Variants in TTN observed in about 807,000 individuals in gnomAD.
TTN encodes the protein titin.
TTN carries 1,525 observed loss-of-function variants against 3,223.0 expected under a neutral mutation model. That is an observed-to-expected ratio of 0.47 (90% CI 0.45 to 0.49). TTN has a LOEUF of 0.49. Ranked by LOEUF, TTN falls within the 20% of genes least tolerant of loss-of-function variation. The probability of loss-of-function intolerance (pLI) is 0.00; values close to 1 mark genes in which losing one functional copy is unlikely to be tolerated. For synonymous variants in TTN, 14,094 were observed against 15,161.0 expected (o/e 0.93, Z 5.17); for missense variants, 40,786 against 43,424.0 (o/e 0.94, Z 5.40).
At position 178,548,484 on chromosome 2, in the gene TTN, T is replaced by C; in HGVS notation, c.93142A>G (p.Ile31048Val). Reference sequence around the variant, plus strand: ...CGTTTCTCTACCACATAATGATGGATTCGGGCACCACCGTCAAGAAGAGGG... The same window carrying C: ...CGTTTCTCTACCACATAATGATGGACTCGGGCACCACCGTCAAGAAGAGGG... ...DAPLLDGGAR[I>V]HHYVVEKREA... The change falls in exon 339 of 363, where the codon ATC becomes GTC. Residue 31048 changes from isoleucine to valine, a missense_variant. Coordinates refer to ENST00000589042, the MANE Select transcript of TTN (RefSeq NM_001267550.2). The surrounding 1 kb of genome is among the most constrained non-coding windows in gnomAD (Gnocchi z 4.3). 6.2e-7 allele frequency: 1 copy of C among 1,613,884 alleles called. No homozygotes were observed. The highest frequency in any genetic ancestry group is 8.5e-7 in the Non-Finnish European group (1 of 1,179,804).
intron 65 of TTN, 29 bp from the exon 66 acceptor site, chr2:178,728,807 TTACATTGG>T: frequency 1.3e-6 from 2 of 1,584,300 alleles, no homozygotes; most frequent in Non-Finnish European, 1.7e-6. Flanking sequence ...TGTGGATGAG[TTACATTGG>T]TAACTCCACT....
intron 309 of TTN, 46 bp from the exon 310 acceptor site, chr2:178,585,014 C>T (rs371666014): frequency 2.7e-5 from 44 of 1,604,746 alleles, no homozygotes; most frequent in Non-Finnish European, 3.3e-5. Context: ...GGATTTGATA[C>T]GTAAAAATAT....
chr2:178,631,391 CTGAG>C, intron 236 of TTN, 91 bp from the exon 237 acceptor site: 1 of 1,348,260 alleles, frequency 7.4e-7, no homozygotes, highest in Non-Finnish European at 9.9e-7. Flanking sequence ...TCACAGAGTT[CTGAG>C]TATCTTTTAA....
At chr2:178,654,160 G>A (rs1255056259) in intron 193 of TTN, 48 bp downstream of exon 193, 1 of 1,588,638 alleles carries the variant, frequency 6.3e-7, no homozygotes, top group Admixed American at 1.8e-5. Context: ...GTGATTGTGA[G>A]GGGTACAGAC....
In TTN at chr2:178,757,692, C is replaced by A. The variant is rs770135769; in HGVS notation, c.10528G>T (p.Asp3510Tyr). ...HNQQLILPTK[D>Y]VVFHFEESTG... ...GACTCCTCAAAATGGAAAACTACAT[C>A]TTTTGTTGGTAGAATTAGCTGCTGG... The change falls in exon 45 of 363, where the codon GAT (aspartate) becomes TAT (tyrosine). Residue 3510 changes from aspartate to tyrosine, a missense_variant. Transcript: ENST00000589042. 1.2e-6 allele frequency: 2 copies of A among 1,613,700 alleles called. No individual in the cohort carries two copies. Among genetic ancestry groups the A allele is most frequent in the South Asian group, 1.1e-5 (1 of 91,088 alleles).
intron 21 of TTN, 150 bp from the exon 22 acceptor site, chr2:178,780,355 T>C: frequency 2.9e-6 from 2 of 689,484 alleles, no homozygotes; most frequent in East Asian, 2.7e-5. Flanking sequence ...CAATATTTTC[T>C]AGATGGAATT....
chr2:178,798,512 GT>G (rs763564212), intron 6 of TTN: 5 of 151,898 alleles, frequency 3.3e-5, no homozygotes, highest in Non-Finnish European at 5.9e-5. Context: ...TATTTAAAAG[GT>G]TTTACTTACC....
chr2:178,745,286 G>A (rs1163292583), intron 47 of TTN: 23 of 1,213,472 alleles, frequency 1.9e-5, no homozygotes, highest in African/African-American at 1.5e-5. Context: ...ACTTTGTGGA[G>A]GAGGCATGAG....
chr2:178,774,064 A>C lies in TTN; in HGVS notation c.7104T>G (p.Cys2368Trp), dbSNP rs1485265360. 6.2e-7 allele frequency: 1 copy of C among 1,614,082 alleles called. No individual in the cohort carries two copies. Among genetic ancestry groups the C allele is most frequent in the Non-Finnish European group, 8.5e-7 (1 of 1,179,984 alleles). Residue 2368 changes from cysteine (C) to tryptophan (W), a missense_variant, in exon 31 of 363, where the codon TGT becomes TGG. Coordinates refer to ENST00000589042, the MANE Select transcript of TTN (RefSeq NM_001267550.2). ...ILQGLSDQKVCEGDIVQLEVK... is the reference protein window; with the variant it reads ...ILQGLSDQKVWEGDIVQLEVK... Reference sequence around the variant, plus strand: ...CTTCAAGCTGAACAATGTCACCCTCACAGACTTTTTGGTCACTAAGTCCTT... The same window carrying C: ...CTTCAAGCTGAACAATGTCACCCTCCCAGACTTTTTGGTCACTAAGTCCTT...
rs770234398 is a variant in TTN at position 178,771,491 on chromosome 2, C to G, written c.7856-20G>C. The G allele has an allele frequency of 6.2e-7, 1 of 1,613,800 alleles. No homozygotes were observed. The highest frequency in any genetic ancestry group is 8.5e-7 in the Non-Finnish European group (1 of 1,179,766). On this transcript the variant is annotated intron_variant, in intron 33 of 362. Transcript: ENST00000589042. Reference sequence around the variant, plus strand: ...CCCCACCTTTGGAACAAGAGATGTACAGTATGAGTCCTTTAAACATATTCA... The same window carrying G: ...CCCCACCTTTGGAACAAGAGATGTAGAGTATGAGTCCTTTAAACATATTCA...
rs1259987719 is a variant in TTN, at chr2:178,533,485, CCTT to C, written c.103127_103129del (p.Glu34376del). On this transcript the variant is annotated inframe_deletion, in exon 358 of 363. Transcript: ENST00000589042. ...TCTGATCTCAAAGCAGACACTTTGG[CCTT>C]CTTGGCATTCTGCATTTGCCAGTAA... is the stretch of plus-strand genomic sequence containing the variant. 1.2e-6 allele frequency: 2 copies of C among 1,613,208 alleles called. No individual in the cohort carries two copies. Among genetic ancestry groups the C allele is most frequent in the Non-Finnish European group, 1.7e-6 (2 of 1,179,324 alleles).
In TTN at chr2:178,633,475, T is replaced by C; in HGVS notation, c.42884A>G (p.Asp14295Gly). ...ACAGTCACACACATATTCGCCTTTA[T>C]CTTTAAGGTCCGCCTTTTTGATTTT... ...ILKIKKADLK[D>G]KGEYVCDCGT... The change falls in exon 232 of 363, where the codon GAT becomes GGT. Residue 14295 changes from aspartate (D) to glycine (G), a missense_variant. Coordinates refer to ENST00000589042, the MANE Select transcript of TTN (RefSeq NM_001267550.2). 1 of 1,613,396 alleles carries C rather than the reference T, an allele frequency of 6.2e-7. No individual in the cohort carries two copies.
At chr2:178,674,552 A>G (rs575721491) in intron 150 of TTN, 143 bp from the exon 151 acceptor site, 1 of 434,370 alleles carries the variant, frequency 2.3e-6, no homozygotes, top group Non-Finnish European at 4.0e-6. Flanking sequence ...TGGGTCTTCA[A>G]AATATGTTAG....
Position 178,642,330 on chromosome 2 carries a change from T to C in TTN, c.40478-13A>G, listed in dbSNP as rs753147480. 7.0e-6 allele frequency: 11 copies of C among 1,565,942 alleles called. No individual in the cohort carries two copies. The Admixed American group carries it at 1.2e-4, about 17-fold the overall frequency. ...TCACCTCCAGGCACTTAAAAGAATA[T>C]GATTTCAAATTTTGAAGTGAATTTA... On this transcript the variant is annotated splice_polypyrimidine_tract_variant and intron_variant, in intron 218 of 362. Transcript: ENST00000589042.
At chr2:178,528,009 A>G (rs1199646308) in intron 361 of TTN, 9 of 549,258 alleles carry the variant, frequency 1.6e-5, no homozygotes, top group Middle Eastern at 4.7e-4. Flanking sequence ...ATGATTAGTC[A>G]TATAGAAAGT....
intron 46 of TTN, among the ~76,000 whole-genome samples, chr2:178,755,906 A>G (rs1646698222): frequency 6.6e-6 from 1 of 152,222 alleles, no homozygotes; most frequent in African/African-American, 2.4e-5. Context: ...TACTTCTCAG[A>G]ATACAACATT....
At chr2:178,688,001 T>C (rs1332067403) in intron 127 of TTN, 110 bp downstream of exon 127, 1 of 807,792 alleles carries the variant, frequency 1.2e-6, no homozygotes, top group East Asian at 2.5e-5. Flanking sequence ...AGATGTTCAC[T>C]GAATTTGTGT....
intron 112 of TTN, 110 bp downstream of exon 112, chr2:178,698,733 C>A: frequency 7.1e-6 from 7 of 988,492 alleles, no homozygotes; most frequent in Non-Finnish European, 8.9e-6. Context: ...GGGAGAGGTA[C>A]CATTTTGTGA....
rs2082305343 is a variant in TTN, at chr2:178,740,515, T to C, written c.12718A>G (p.Thr4240Ala). Residue 4240 changes from threonine (T) to alanine (A), a missense_variant, in exon 48 of 363, where the codon ACA becomes GCA. Physicochemically the swap from Thr to Ala is moderately conservative, Grantham distance 58 (BLOSUM62 0). Coordinates refer to ENST00000589042, the MANE Select transcript of TTN (RefSeq NM_001267550.2). ...AEEVLSPKEK[T>A]VSDTNREQRV... is the part of the protein sequence containing the mutation. Reference sequence around the variant, plus strand: ...TGCTCTCTGTTGGTGTCAGATACTGTCTTTTCTTTTGGTGAAAGTACTTCC... The same window carrying C: ...TGCTCTCTGTTGGTGTCAGATACTGCCTTTTCTTTTGGTGAAAGTACTTCC... 3 of 1,613,678 alleles carry C rather than the reference T, an allele frequency of 1.9e-6. No homozygotes were observed. The highest frequency in any genetic ancestry group is 1.3e-5 in the African/African-American group (1 of 74,914).
Sources: allele counts gnomAD v4.1 joint callset (sites outside exome capture counted in the v4.1 genomes callset), GRCh38; gene constraint gnomAD v4.1.1; non-coding constraint Gnocchi (gnomAD v3.1); transcripts MANE v1.5; gene names NCBI Gene and HGNC (gene_info 2026-07-23, HGNC 2026-07-21).